Variants in LARGE1 observed in about 807,000 individuals in gnomAD.
LARGE1 encodes the protein LARGE xylosyl- and glucuronyltransferase 1, also known as xylosyl- and glucuronyltransferase LARGE1.
LARGE1 carries 43 observed loss-of-function variants against 87.6 expected under a neutral mutation model. The ratio of observed to expected loss-of-function variants is 0.49; its 90% CI spans 0.38 to 0.63. The LOEUF is 0.63. Ranked by LOEUF, LARGE1 falls within the 30% of genes least tolerant of loss-of-function variation. The pLI, the probability that LARGE1 is intolerant of heterozygous loss-of-function variation, is 0.00. For synonymous variants in LARGE1, 434 were observed against 394.6 expected (o/e 1.10, Z -1.18); for missense variants, 802 against 1,000.2 (o/e 0.80, Z 2.67).
At position 33,650,587 on chromosome 22, in the gene LARGE1, TCGCGCTCC is replaced by T; in HGVS notation, c.180_187del (p.Arg62ProfsTer100). 1 of 1,606,088 alleles carries T rather than the reference TCGCGCTCC, an allele frequency of 6.2e-7. No individual in the cohort carries two copies. Among genetic ancestry groups the T allele is most frequent in the Non-Finnish European group, 8.5e-7 (1 of 1,179,926 alleles). On this transcript the variant is annotated frameshift_variant, in exon 3 of 15. Transcript: ENST00000397394. LOFTEE classifies it high-confidence loss of function. ...CTCGCGCATGCGCACCTCCAGGCTC[TCGCGCTCC>T]CGCTGGCTGGAGGCCGTGTACCTGG... is the stretch of plus-strand genomic sequence containing the variant.
At chr22:33,526,733 T>C (rs1377601833) in intron 6 of LARGE1, among the ~76,000 whole-genome samples, 1 of 152,256 alleles carries the variant, frequency 6.6e-6, no homozygotes, top group African/African-American at 2.4e-5. Flanking sequence ...TCCTTTACTC[T>C]TGAGAAACTA....
chr22:33,178,938 C>G (rs1923019510), intron 11 of LARGE1, among the ~76,000 whole-genome samples: 1 of 152,080 alleles, frequency 6.6e-6, no homozygotes, highest in South Asian at 2.1e-4. Context: ...GTTTTGAAAG[C>G]TGAGAATTCC....
intron 9 of LARGE1, among the ~76,000 whole-genome samples, chr22:33,351,204 C>A (rs1452707239): frequency 1.3e-5 from 2 of 152,200 alleles, no homozygotes; most frequent in Non-Finnish European, 2.9e-5. Flanking sequence ...TGACTAAGCT[C>A]TACCTACTGG....
intron 1 of LARGE1, among the ~76,000 whole-genome samples, chr22:33,867,871 G>T (rs1358701541): frequency 6.6e-6 from 1 of 152,138 alleles, no homozygotes. Context: ...ACACCAAGAT[G>T]GCTAGACAAG....
chr22:33,671,742 C>T (rs1418303957), intron 2 of LARGE1, among the ~76,000 whole-genome samples: 1 of 152,260 alleles, frequency 6.6e-6, no homozygotes, highest in East Asian at 1.9e-4. Flanking sequence ...CCCATCTATG[C>T]CTAGTGTTCC....
intron 2 of LARGE1, among the ~76,000 whole-genome samples, chr22:33,651,752 A>G (rs1423447819): frequency 6.6e-6 from 1 of 152,238 alleles, no homozygotes. Context: ...CAAGAATAAA[A>G]TATTAAAAGC....
At chr22:33,241,562 ATGTGTATATATGTGTGTATATGTG>A (rs1926515715) in intron 11 of LARGE1, among the ~76,000 whole-genome samples, 1 of 151,494 alleles carries the variant, frequency 6.6e-6, no homozygotes, top group South Asian at 2.1e-4. Context: ...ATATGTATAT[ATGTGTATATATGTGTGTATATGTG>A]TGTGTATATA....
chr22:33,740,572 A>C (rs555185732), intron 2 of LARGE1, among the ~76,000 whole-genome samples: 1 of 152,378 alleles, frequency 6.6e-6, no homozygotes, highest in Admixed American at 6.5e-5. Context: ...ACTCTAGTCC[A>C]GTATCAGACG....
chr22:33,586,126 G>A (rs1040925387), intron 5 of LARGE1, among the ~76,000 whole-genome samples: 1 of 152,200 alleles, frequency 6.6e-6, no homozygotes, highest in Admixed American at 6.5e-5. Flanking sequence ...GGATTAAGAT[G>A]GATGGACTGC....
chr22:33,862,610 G>A (rs370553355), intron 1 of LARGE1, among the ~76,000 whole-genome samples: 31 of 152,258 alleles, frequency 2.0e-4, no homozygotes, highest in Admixed American at 5.9e-4. Flanking sequence ...AGGGCCAGCC[G>A]GACACCTGGG....
At chr22:33,717,236 A>G (rs546825970) in intron 2 of LARGE1, among the ~76,000 whole-genome samples, 6 of 152,030 alleles carry the variant, frequency 3.9e-5, no homozygotes, top group Admixed American at 2.0e-4. Flanking sequence ...CCCACAGTGC[A>G]CCATGTATTT....
At chr22:33,824,759 T>C (rs562830831) in intron 1 of LARGE1, among the ~76,000 whole-genome samples, 1 of 152,280 alleles carries the variant, frequency 6.6e-6, no homozygotes, top group South Asian at 2.1e-4. Flanking sequence ...ATGTAACTCA[T>C]AGGACTATAA....
At chr22:33,766,951 T>C (rs1051213747) in intron 1 of LARGE1, among the ~76,000 whole-genome samples, 3,467 of 40,410 alleles carry the variant, frequency 0.086, 61 homozygotes, top group Non-Finnish European at 0.14. Flanking sequence ...TATATATATA[T>C]ATATATATAT....
the LARGE1 span, among the ~76,000 whole-genome samples, chr22:33,103,507 A>C: frequency 6.6e-6 from 1 of 150,998 alleles, no homozygotes; most frequent in South Asian, 2.1e-4. Flanking sequence ...GAGCTCTTTA[A>C]AAGCAGAAGT....
chr22:33,709,346 C>T (rs1333062598), intron 2 of LARGE1, among the ~76,000 whole-genome samples: 1 of 152,022 alleles, frequency 6.6e-6, no homozygotes, highest in Non-Finnish European at 1.5e-5. Flanking sequence ...GGCGTCAGGC[C>T]CTGTTTTACA....
At chr22:33,871,197 C>T (rs532022992) in intron 1 of LARGE1, among the ~76,000 whole-genome samples, 1 of 152,236 alleles carries the variant, frequency 6.6e-6, no homozygotes, top group African/African-American at 2.4e-5. Context: ...CTCAAATTAA[C>T]GTATATTTAT....
chr22:33,677,323 C>T (rs2081613979), intron 2 of LARGE1, among the ~76,000 whole-genome samples: 1 of 150,598 alleles, frequency 6.6e-6, no homozygotes, highest in South Asian at 2.1e-4. Context: ...GAAAAACTCA[C>T]TCGAACTGGC....
At chr22:33,779,146 C>T (rs2085339813) in intron 1 of LARGE1, among the ~76,000 whole-genome samples, 1 of 152,176 alleles carries the variant, frequency 6.6e-6, no homozygotes, top group Non-Finnish European at 1.5e-5. Context: ...TCTCTTCGCT[C>T]TGCATACATG....
At position 33,581,064 on chromosome 22, in the gene LARGE1, T is replaced by C. The variant is rs1479184690; in HGVS notation, c.616-16045A>G. Reference sequence around the variant, plus strand: ...TTCTCATTTTCAATGAAATTTTCCATCTATTATTTCATTGGATGCTTGAAA... The same window carrying C: ...TTCTCATTTTCAATGAAATTTTCCACCTATTATTTCATTGGATGCTTGAAA... On this transcript the variant is annotated intron_variant, in intron 5 of 14. Coordinates refer to ENST00000397394, the MANE Select transcript of LARGE1 (RefSeq NM_133642.5). Among the ~76,000 whole-genome samples the C allele has an allele frequency of 3.3e-5, 5 of 152,366 alleles. No homozygotes were observed. The East Asian group carries it at 9.6e-4, about 29-fold the overall frequency.
Sources: allele counts gnomAD v4.1 joint callset (sites outside exome capture counted in the v4.1 genomes callset), GRCh38; gene constraint gnomAD v4.1.1; transcripts MANE v1.5; gene names NCBI Gene and HGNC (gene_info 2026-07-23, HGNC 2026-07-21).